The following SGCZ variants were observed in gnomAD, a reference collection of about 807,000 sequenced individuals.
SGCZ encodes zeta-sarcoglycan.
SGCZ carries 40 observed loss-of-function variants against 41.3 expected under a neutral mutation model. The ratio of observed to expected loss-of-function variants is 0.97; its 90% CI spans 0.75 to 1.26. The LOEUF (loss-of-function observed/expected upper bound fraction) is 1.26, where lower values mean the gene tolerates loss of function less well. Among genes scored for constraint, SGCZ ranks in the 50% most tolerant of loss-of-function variants. The probability of loss-of-function intolerance (pLI) is 0.00; values close to 1 mark genes in which losing one functional copy is unlikely to be tolerated. For missense variants in SGCZ, 552 were observed against 369.8 expected (o/e 1.49, Z -4.04); for synonymous variants, 206 against 137.5 (o/e 1.50, Z -3.49).
chr8:14,911,447 A>G lies in SGCZ; in HGVS notation c.39+326138T>C, dbSNP rs866692431. On this transcript the variant is annotated intron_variant, in intron 1 of 7. Coordinates refer to ENST00000382080, the MANE Select transcript of SGCZ (RefSeq NM_139167.4). The stretch of plus-strand genomic sequence containing the variant: ...AGAGCAGCTGCACACTGAAGAAAGT[A>G]TTTGGTAACTAAGAAAAAAATATAT... Among the ~76,000 whole-genome samples, 194 of 152,218 alleles carry G rather than the reference A, an allele frequency of 1.3e-3. 1 individual carries two copies. The highest frequency in any genetic ancestry group is 4.4e-3 in the African/African-American group (184 of 41,570).
chr8:14,789,249 G>GA (rs1212911460), intron 1 of SGCZ, among the ~76,000 whole-genome samples: 3 of 152,026 alleles, frequency 2.0e-5, no homozygotes, highest in African/African-American at 4.8e-5. Flanking sequence ...AATATACCAT[G>GA]AAAAAATGTA....
intron 1 of SGCZ, among the ~76,000 whole-genome samples, chr8:15,047,318 A>T (rs572682324): frequency 6.6e-6 from 1 of 152,158 alleles, no homozygotes; most frequent in South Asian, 2.1e-4. Context: ...GAATGTTTTC[A>T]TTTCCCAGAA....
chr8:14,692,592 A>G (rs1808833540), intron 1 of SGCZ, among the ~76,000 whole-genome samples: 1 of 152,172 alleles, frequency 6.6e-6, no homozygotes, highest in South Asian at 2.1e-4. Context: ...CTGTAAAGCA[A>G]ACATAAAAAA....
At chr8:14,459,268 G>A (rs1263947314) in intron 2 of SGCZ, among the ~76,000 whole-genome samples, 3 of 152,026 alleles carry the variant, frequency 2.0e-5, no homozygotes, top group Admixed American at 6.6e-5. Context: ...GGCCTGTTGT[G>A]GGGTAGGGGG....
intron 1 of SGCZ, among the ~76,000 whole-genome samples, chr8:14,649,148 A>C (rs1470199): frequency 5.9e-5 from 9 of 151,918 alleles, no homozygotes; most frequent in Non-Finnish European, 1.0e-4. Context: ...AGGATATTAG[A>C]AAATTGCTTT....
At chr8:14,214,697 AT>A (rs34754133) in intron 4 of SGCZ, among the ~76,000 whole-genome samples, 1 of 151,936 alleles carries the variant, frequency 6.6e-6, no homozygotes, top group African/African-American at 2.4e-5. Context: ...GCTAACAGTA[AT>A]TTTTTTAAAA....
At chr8:14,963,657 T>C (rs912512525) in intron 1 of SGCZ, among the ~76,000 whole-genome samples, 10 of 152,146 alleles carry the variant, frequency 6.6e-5, no homozygotes, top group Admixed American at 2.0e-4. Context: ...CCTAAATTCA[T>C]TTTCTAATTT....
chr8:14,446,626 T>G (rs1800439853), intron 2 of SGCZ, among the ~76,000 whole-genome samples: 2 of 152,198 alleles, frequency 1.3e-5, no homozygotes, highest in Admixed American at 1.3e-4. Context: ...TGACATTATG[T>G]ACAATTTTGT....
At chr8:14,345,725 C>A (rs1172116971) in intron 2 of SGCZ, among the ~76,000 whole-genome samples, 1 of 152,096 alleles carries the variant, frequency 6.6e-6, no homozygotes, top group Non-Finnish European at 1.5e-5. Context: ...CTGGGCTAAT[C>A]TACTAGGCAT....
chr8:14,911,344 C>T (rs377012902), intron 1 of SGCZ, among the ~76,000 whole-genome samples: 2 of 151,996 alleles, frequency 1.3e-5, no homozygotes, highest in Admixed American at 6.6e-5. Context: ...CCTTGGAATA[C>T]GCAGACACCA....
intron 1 of SGCZ, among the ~76,000 whole-genome samples, chr8:15,036,508 C>T (rs1026243169): frequency 1.3e-5 from 2 of 152,056 alleles, no homozygotes; most frequent in African/African-American, 4.8e-5. Flanking sequence ...CCCCATGATA[C>T]ATGTTTACCT....
intron 1 of SGCZ, among the ~76,000 whole-genome samples, chr8:15,069,466 G>T (rs554245748): frequency 6.6e-6 from 1 of 152,316 alleles, no homozygotes; most frequent in East Asian, 1.9e-4. Flanking sequence ...AGATTTTCAA[G>T]ATCTTATAGC....
intron 3 of SGCZ, among the ~76,000 whole-genome samples, chr8:14,288,952 C>A (rs895271751): frequency 6.6e-6 from 1 of 152,012 alleles, no homozygotes; most frequent in Non-Finnish European, 1.5e-5. Context: ...TATTTTATGT[C>A]TTTTGTGTTT....
chr8:15,216,228 T>TC lies in SGCZ; in HGVS notation c.39+21356_39+21357insG, dbSNP rs1161072495. ...TTAGCTTATTCTTTTTTTTTCTTTT[T>TC]TTTTTTTTTTTGAGACGGTGTTGCT... On this transcript the variant is annotated intron_variant, in intron 1 of 7. Coordinates refer to ENST00000382080, the MANE Select transcript of SGCZ (RefSeq NM_139167.4). Among the ~76,000 whole-genome samples the TC allele has an allele frequency of 3.4e-5, 5 of 147,808 alleles. No homozygotes were observed. The East Asian group carries it at 5.9e-4, about 17-fold the overall frequency.
rs570379442 is a variant in SGCZ, at chr8:14,505,358, G to T, written c.234+49374C>A. Among the ~76,000 whole-genome samples, 11 of 152,082 alleles carry T rather than the reference G, an allele frequency of 7.2e-5. No homozygotes were observed. In the South Asian group the frequency reaches 2.3e-3, roughly 32 times the overall value. ...CAGAGTAAAGAGCGCCAGTTACCAG[G>T]GCAGAGTGCTTCCCATTTTATAAGG... On this transcript the variant is annotated intron_variant, in intron 2 of 7. Transcript: ENST00000382080.
chr8:14,337,029 T>A (rs1802527103), intron 2 of SGCZ, among the ~76,000 whole-genome samples: 1 of 152,110 alleles, frequency 6.6e-6, no homozygotes, highest in Non-Finnish European at 1.5e-5. Flanking sequence ...AAGGACCTAT[T>A]TTCCCAATTA....
chr8:14,339,161 C>T (rs1802610828), intron 2 of SGCZ, among the ~76,000 whole-genome samples: 1 of 152,144 alleles, frequency 6.6e-6, no homozygotes, highest in Non-Finnish European at 1.5e-5. Flanking sequence ...TTTACTTCTA[C>T]TGCAAACTTT....
chr8:14,105,591 C>T (rs141875789), intron 6 of SGCZ, among the ~76,000 whole-genome samples: 12 of 152,114 alleles, frequency 7.9e-5, no homozygotes, highest in African/African-American at 2.6e-4. Context: ...TGAATACCTA[C>T]ATAATTACTC....
At chr8:14,883,749 T>C (rs1804680400) in intron 1 of SGCZ, among the ~76,000 whole-genome samples, 1 of 151,644 alleles carries the variant, frequency 6.6e-6, no homozygotes, top group Non-Finnish European at 1.5e-5. Flanking sequence ...ACATGTTCCT[T>C]ATAGCTATCT....
Sources: gnomAD v4.1 joint callset for allele counts (sites outside exome capture counted in the v4.1 genomes callset) on GRCh38, gnomAD v4.1.1 for gene constraint, MANE v1.5 for transcripts, NCBI Gene and HGNC (gene_info 2026-07-23, HGNC 2026-07-21) for gene names.